Variants in SDK2 observed in about 807,000 individuals in gnomAD.
The protein encoded by SDK2 is sidekick cell adhesion molecule 2.
In SDK2, 105 loss-of-function variants were observed where a neutral mutation model predicts 253.9. The observed-to-expected ratio is 0.41, with a 90% CI of 0.35 to 0.49. The LOEUF is 0.49. Among genes scored for constraint, SDK2 ranks in the 20% least tolerant of loss-of-function variants. The pLI is 0.06. For missense variants in SDK2, 2,608 were observed against 3,003.0 expected (o/e 0.87, Z 3.07); for synonymous variants, 1,249 against 1,234.9 (o/e 1.01, Z -0.24).
At chr17:73,566,962 C>G (rs1405385862) in intron 1 of SDK2, among the ~76,000 whole-genome samples, 1 of 151,838 alleles carries the variant, frequency 6.6e-6, no homozygotes, top group Non-Finnish European at 1.5e-5. Flanking sequence ...CAGTGAGAAA[C>G]CCAAGGCACT....
intron 1 of SDK2, among the ~76,000 whole-genome samples, chr17:73,561,683 G>C (rs1465576941): frequency 6.6e-6 from 1 of 152,188 alleles, no homozygotes. Flanking sequence ...CTTAGAGTGG[G>C]GAGCACTGTG....
intron 1 of SDK2, among the ~76,000 whole-genome samples, chr17:73,530,304 G>T (rs1169520693): frequency 6.6e-6 from 1 of 152,182 alleles, no homozygotes; most frequent in Non-Finnish European, 1.5e-5. Flanking sequence ...AAGGCGAAGG[G>T]GAAGCAAGGC....
At chr17:73,529,187 C>A (rs1348701825) in intron 1 of SDK2, among the ~76,000 whole-genome samples, 1 of 152,070 alleles carries the variant, frequency 6.6e-6, no homozygotes, top group South Asian at 2.1e-4. Context: ...CTGTAATGAG[C>A]GAAAAGCATG....
rs577136496 is a variant in SDK2 at position 73,553,863 on chromosome 17, C to A, written c.65-46266G>T. 9.2e-5 allele frequency among the ~76,000 whole-genome samples: 14 copies of A among 152,230 alleles called. No homozygotes were observed. The South Asian group carries it at 2.9e-3, about 32-fold the overall frequency. ...ATGCAGGAGTGGTGGTTTCCCTACT[C>A]CCTCCCTAGGTATAAATCTGGCCTG... On this transcript the variant is annotated intron_variant, in intron 1 of 44. Transcript: ENST00000392650.
intron 2 of SDK2, among the ~76,000 whole-genome samples, chr17:73,482,516 G>C (rs1416426011): frequency 2.6e-5 from 4 of 152,226 alleles, no homozygotes. Flanking sequence ...TTGATCCCCC[G>C]GCCCTGCGGT....
intron 1 of SDK2, among the ~76,000 whole-genome samples, chr17:73,597,319 C>T (rs919498886): frequency 2.0e-5 from 3 of 152,194 alleles, no homozygotes; most frequent in Non-Finnish European, 4.4e-5. Context: ...AAGCTGGGCA[C>T]AAGAAACCTG....
In SDK2 at chr17:73,455,113, G is replaced by A. The variant is rs1412707257; in HGVS notation, c.479+793C>T. Among the ~76,000 whole-genome samples the A allele has an allele frequency of 6.6e-6, 1 of 152,180 alleles. No homozygotes were observed. The highest frequency in any genetic ancestry group is 6.5e-5 in the Admixed American group (1 of 15,286). Reference sequence around the variant, plus strand: ...TCCATCTACGCCTCCACTCTCTACAGAGACCAGGACAGGCTCAGTCCTGTG... The same window carrying A: ...TCCATCTACGCCTCCACTCTCTACAAAGACCAGGACAGGCTCAGTCCTGTG... On this transcript the variant is annotated intron_variant, in intron 4 of 44. Transcript: ENST00000392650. The surrounding 1 kb of genome is among the most constrained non-coding windows in gnomAD (Gnocchi z 5.0).
intron 3 of SDK2, among the ~76,000 whole-genome samples, chr17:73,470,694 T>G (rs1406546941): frequency 2.6e-5 from 4 of 152,248 alleles, no homozygotes; most frequent in East Asian, 3.8e-4. Context: ...ACTCTTTGCC[T>G]CACTTGAGAT....
chr17:73,470,839 G>C lies in SDK2; in HGVS notation c.331+1273C>G, dbSNP rs543641252. ...ATTCTGGCCTAAGGATTGCCACCCT[G>C]TTATGTCCCACAGTACAACGTGGGA... is the stretch of plus-strand genomic sequence containing the variant. On this transcript the variant is annotated intron_variant, in intron 3 of 44. Coordinates refer to ENST00000392650, the MANE Select transcript of SDK2 (RefSeq NM_001144952.2). Among the ~76,000 whole-genome samples, 3 of 152,320 alleles carry C rather than the reference G, an allele frequency of 2.0e-5. No individual in the cohort carries two copies. The South Asian group carries it at 6.2e-4, about 32-fold the overall frequency.
At chr17:73,388,541 G>A (rs1443271511) in intron 29 of SDK2, among the ~76,000 whole-genome samples, 2 of 152,084 alleles carry the variant, frequency 1.3e-5, no homozygotes, top group African/African-American at 4.8e-5. Flanking sequence ...ACTCTGTGGC[G>A]GGGGCATCCT....
intron 18 of SDK2, among the ~76,000 whole-genome samples, chr17:73,408,503 C>G (rs1304832561): frequency 6.6e-6 from 1 of 152,076 alleles, no homozygotes; most frequent in South Asian, 2.1e-4. Flanking sequence ...GGATTACAGG[C>G]GTGAGCCATC....
intron 1 of SDK2, among the ~76,000 whole-genome samples, chr17:73,557,015 C>A (rs553501458): frequency 6.6e-6 from 1 of 152,216 alleles, no homozygotes; most frequent in Non-Finnish European, 1.5e-5. Flanking sequence ...GCAAAGGCCA[C>A]GCAGCAGCTA....
chr17:73,513,362 C>T (rs2063996626), intron 1 of SDK2, among the ~76,000 whole-genome samples: 1 of 152,182 alleles, frequency 6.6e-6, no homozygotes. Flanking sequence ...CAAAGATGCT[C>T]AGCCTCATGA....
chr17:73,386,468 T>C lies in SDK2; in HGVS notation c.4475A>G (p.Glu1492Gly). Residue 1492 changes from glutamate to glycine, a missense_variant, in exon 31 of 45, where the codon GAG (glutamate) becomes GGG (glycine). This residue lies in a region of SDK2 where 1,103 missense variants were observed against 1,143.9 expected (regional missense o/e 0.96). Coordinates refer to ENST00000392650, the MANE Select transcript of SDK2 (RefSeq NM_001144952.2). ...ACCAGCCTGCAGGGTGGTCAGTGAC[T>C]CCGACTCCTCGCTGAACTCGCTGTC... is the stretch of plus-strand genomic sequence containing the variant. ...IGDSEFSEES[E>G]SLTTLQAAPD... 1.3e-6 allele frequency: 2 copies of C among 1,559,516 alleles called. No individual in the cohort carries two copies. Among genetic ancestry groups the C allele is most frequent in the Non-Finnish European group, 1.7e-6 (2 of 1,151,446 alleles).
chr17:73,636,440 C>A lies in SDK2; in HGVS notation c.64+7585G>T, dbSNP rs557904892. The stretch of plus-strand genomic sequence containing the variant: ...CGGCAGCTCATGCCTGCAATCCCAG[C>A]ACTTTGGGAGACCGAGGTGGGCGAG... On this transcript the variant is annotated intron_variant, in intron 1 of 44. Transcript: ENST00000392650. 9.9e-5 allele frequency among the ~76,000 whole-genome samples: 15 copies of A among 152,184 alleles called. No individual in the cohort carries two copies. The South Asian group carries it at 2.9e-3, about 29-fold the overall frequency.
intron 40 of SDK2, among the ~76,000 whole-genome samples, chr17:73,355,001 G>T (rs1233429039): frequency 6.6e-6 from 1 of 151,156 alleles, no homozygotes; most frequent in African/African-American, 2.4e-5. Context: ...ACTGCTGAGG[G>T]GGCTGTCTCC....
At position 73,401,091 on chromosome 17, in the gene SDK2, T is replaced by C. The variant is rs199750691; in HGVS notation, c.2900A>G (p.Glu967Gly). 131 of 1,569,160 alleles carry C rather than the reference T, an allele frequency of 8.3e-5. 2 individuals are homozygous for C. The East Asian group carries it at 2.5e-3, about 31-fold the overall frequency. ...GCCCTTTGAGGTCATGGCGGCCACC[T>C]CGATGGTGTAGGTGGTGAGCGCGGT... ...GLTALTTYTIEVAAMTSKGQG... is the reference protein window; with the variant it reads ...GLTALTTYTIGVAAMTSKGQG... The change falls in exon 21 of 45, where the codon GAG becomes GGG. Residue 967 changes from glutamate to glycine, a missense_variant. Transcript: ENST00000392650.
rs137887379 is a variant in SDK2 at position 73,610,268 on chromosome 17, G to A, written c.64+33757C>T. Among the ~76,000 whole-genome samples, 6 of 152,292 alleles carry A rather than the reference G, an allele frequency of 3.9e-5. No homozygotes were observed. The East Asian group carries it at 5.8e-4, about 15-fold the overall frequency. On this transcript the variant is annotated intron_variant, in intron 1 of 44. Coordinates refer to ENST00000392650, the MANE Select transcript of SDK2 (RefSeq NM_001144952.2). ...AACCCGTAGGTTTCATCAGCTCTTC[G>A]AAGGGGACTATATCCTCAGGAGAGA...
Position 73,368,498 on chromosome 17 carries a change from G to A in SDK2, c.5076C>T (p.Gly1692=). Residue 1692 remains glycine (G), a synonymous_variant, in exon 37 of 45, where the codon GGC becomes GGT. Transcript: ENST00000392650. ...CCACGCTGACCATGTAGGCCGTGTAGCCAGTCAAGTTCTTGAGCTTCACGC... is the reference window on the plus strand; with the variant it reads ...CCACGCTGACCATGTAGGCCGTGTAACCAGTCAAGTTCTTGAGCTTCACGC... ...ENSVKLKNLT[G]YTAYMVSVAA... is the part of the protein sequence containing the mutation. 6.2e-7 allele frequency: 1 copy of A among 1,611,020 alleles called. No individual in the cohort carries two copies.
Sources: allele counts gnomAD v4.1 joint callset (sites outside exome capture counted in the v4.1 genomes callset), GRCh38; gene constraint gnomAD v4.1.1; regional missense constraint gnomAD v4.1.1; non-coding constraint Gnocchi (gnomAD v3.1); transcripts MANE v1.5; gene names NCBI Gene and HGNC (gene_info 2026-07-23, HGNC 2026-07-21).